The following TKTL1 variants were observed in gnomAD, a reference collection of about 807,000 sequenced individuals.
TKTL1 encodes the protein transketolase like 1.
A neutral mutation model predicts 39.3 loss-of-function variants in TKTL1; 1 was observed. The ratio of observed to expected loss-of-function variants is 0.03; its 90% CI spans 0.01 to 0.12. The LOEUF (loss-of-function observed/expected upper bound fraction) is 0.12. TKTL1 is among the 10% of genes least tolerant of loss of function. The probability of loss-of-function intolerance (pLI) is 1.00; values close to 1 mark genes in which losing one functional copy is unlikely to be tolerated. For missense variants in TKTL1, 575 were observed against 509.6 expected (o/e 1.13, Z -1.24); for synonymous variants, 262 against 193.8 (o/e 1.35, Z -2.92).
chrX:154,311,366 A>G, intron 5 of TKTL1, 128 bp downstream of exon 5: 2 of 944,936 alleles, frequency 2.1e-6, no homozygotes, highest in South Asian at 2.3e-5. Context: ...TGCCTGGAGT[A>G]TATGTTGGAG....
intron 1 of TKTL1, 145 bp downstream of exon 1, chrX:154,296,138 G>C: frequency 1.2e-6 from 1 of 825,731 alleles, no homozygotes; most frequent in Non-Finnish European, 1.7e-6. Context: ...GGGCTGTTGG[G>C]GCCCGGTCGA....
At chrX:154,305,147 C>T (rs782078986) in intron 1 of TKTL1, 157 bp from the exon 2 acceptor site, 7 of 1,173,462 alleles carry the variant, frequency 6.0e-6, no homozygotes, top group African/African-American at 5.3e-5. Flanking sequence ...GGCTTTAAAG[C>T]GCCCTTCCAA....
intron 7 of TKTL1, among the ~76,000 whole-genome samples, chrX:154,318,350 C>T (rs1175574294): frequency 9.0e-6 from 1 of 110,882 alleles, no homozygotes; most frequent in African/African-American, 3.3e-5. Context: ...TAGTGGCTCA[C>T]ACCTGTAATC....
intron 7 of TKTL1, among the ~76,000 whole-genome samples, chrX:154,316,774 T>TG (rs1384891907): frequency 9.3e-6 from 1 of 107,115 alleles, no homozygotes; most frequent in Non-Finnish European, 1.9e-5. Context: ...TTTGGGGGTT[T>TG]TTTTTTTTTG....
chrX:154,301,755 C>CTTTT (rs782331518), intron 1 of TKTL1, among the ~76,000 whole-genome samples: 3 of 90,517 alleles, frequency 3.3e-5, no homozygotes, highest in African/African-American at 4.1e-5. Flanking sequence ...CATTTTCTTT[C>CTTTT]TTTTTTTTTT....
At chrX:154,297,002 G>C (rs1009616761) in intron 1 of TKTL1, among the ~76,000 whole-genome samples, 17 of 111,925 alleles carry the variant, frequency 1.5e-4, no homozygotes, top group African/African-American at 5.5e-4. Context: ...AGAAAAAAAA[G>C]TTAAACCCAG....
chrX:154,302,896 G>A (rs2067284708), intron 1 of TKTL1, among the ~76,000 whole-genome samples: 2 of 110,977 alleles, frequency 1.8e-5, no homozygotes, highest in African/African-American at 3.3e-5. Context: ...CCAGCTGCAA[G>A]ACGAAGAACA....
Position 154,315,024 on chromosome X carries a change from A to G in TKTL1, c.865-149A>G, listed in dbSNP as rs1557169055. 3 of 594,318 alleles carry G rather than the reference A, an allele frequency of 5.0e-6. No individual in the cohort carries two copies. In the African/African-American group the frequency reaches 6.8e-5, roughly 14 times the overall value. 49.0% of individuals were successfully genotyped at this position (594,318 alleles called of 1,213,427 possible). A position where few individuals can be genotyped will look rare whatever the true frequency, so the allele number is the denominator to read the frequency against. On this transcript the variant is annotated intron_variant, in intron 6 of 12. Coordinates refer to ENST00000369915, the MANE Select transcript of TKTL1 (RefSeq NM_012253.4). Reference sequence around the variant, plus strand: ...TTGGCTAGCAGTCCATGTTTATGACATTAAAGGAAATTTTTGGTGAGTCAC... The same window carrying G: ...TTGGCTAGCAGTCCATGTTTATGACGTTAAAGGAAATTTTTGGTGAGTCAC...
chrX:154,320,494 C>T (rs1373249250), intron 7 of TKTL1: 4 of 378,796 alleles, frequency 1.1e-5, no homozygotes, highest in African/African-American at 5.1e-5. Flanking sequence ...GGGCATGGAC[C>T]CTGGAAAGCT....
chrX:154,303,105 G>A (rs781952589), intron 1 of TKTL1, among the ~76,000 whole-genome samples: 4 of 110,917 alleles, frequency 3.6e-5, no homozygotes, highest in South Asian at 3.8e-4. Context: ...ACCCTGACTC[G>A]TTTCCTGCGC....
At chrX:154,320,706 C>T (rs781798696) in intron 7 of TKTL1, 51 bp from the exon 8 acceptor site, 20 of 1,155,129 alleles carry the variant, frequency 1.7e-5, no homozygotes, top group East Asian at 1.2e-4. Context: ...GGAGAAGGGG[C>T]GGTGGGGGCA....
chrX:154,295,823 T>C lies in TKTL1; in HGVS notation c.-37T>C. Reference sequence around the variant, plus strand: ...ATTCGCTCTTCAGACGCCGGAGACGTAGGAGTGGGTCTTCAGACTCCAAAG... The same window carrying C: ...ATTCGCTCTTCAGACGCCGGAGACGCAGGAGTGGGTCTTCAGACTCCAAAG... On this transcript the variant is annotated 5_prime_UTR_variant, in exon 1 of 13. Transcript: ENST00000369915. The C allele has an allele frequency of 1.7e-6, 2 of 1,197,706 alleles. No individual in the cohort carries two copies. The highest frequency in any genetic ancestry group is 2.3e-6 in the Non-Finnish European group (2 of 887,570).
intron 7 of TKTL1, 184 bp from the exon 8 acceptor site, chrX:154,320,573 C>T (rs1305530951): frequency 2.8e-5 from 13 of 466,128 alleles, no homozygotes; most frequent in East Asian, 2.5e-4. Flanking sequence ...TTGAGGGCGC[C>T]GTCTGAGCAG....
chrX:154,321,009 C>A (rs2067445889), intron 8 of TKTL1, 96 bp downstream of exon 8: 1 of 997,610 alleles, frequency 1.0e-6, no homozygotes. Flanking sequence ...CTTATGGTTC[C>A]ATGAAGTTTG....
At chrX:154,305,076 G>A in intron 1 of TKTL1, 2 of 1,134,346 alleles carry the variant, frequency 1.8e-6, no homozygotes, top group Non-Finnish European at 2.3e-6. Flanking sequence ...CCGAGTCCAC[G>A]GTGCTCTGCG....
intron 8 of TKTL1, among the ~76,000 whole-genome samples, chrX:154,321,769 A>C: frequency 9.4e-6 from 1 of 106,807 alleles, no homozygotes; most frequent in East Asian, 3.0e-4. Context: ...CTGGAAAGCC[A>C]TCTCAGGGAC....
In TKTL1 at chrX:154,314,392, G is replaced by A. The variant is rs782070420; in HGVS notation, c.865-781G>A. On this transcript the variant is annotated intron_variant, in intron 6 of 12. Coordinates refer to ENST00000369915, the MANE Select transcript of TKTL1 (RefSeq NM_012253.4). Reference sequence around the variant, plus strand: ...TACATTAAAAAAATTAAATGAATCAGTGAGCTCAAATTAGTAATGCAGATG... The same window carrying A: ...TACATTAAAAAAATTAAATGAATCAATGAGCTCAAATTAGTAATGCAGATG... Among the ~76,000 whole-genome samples the A allele has an allele frequency of 7.2e-5, 8 of 111,618 alleles. No individual in the cohort carries two copies. In the East Asian group the frequency reaches 2.2e-3, roughly 31 times the overall value.
chrX:154,296,659 T>C (rs781798104), intron 1 of TKTL1, among the ~76,000 whole-genome samples: 1 of 111,331 alleles, frequency 9.0e-6, no homozygotes, highest in East Asian at 2.8e-4. Flanking sequence ...TTGTAGTATT[T>C]GGTTTTGGTA....
intron 7 of TKTL1, among the ~76,000 whole-genome samples, chrX:154,318,836 T>C (rs2067425960): frequency 9.0e-6 from 1 of 111,439 alleles, no homozygotes; most frequent in East Asian, 2.8e-4. Context: ...CTTTTTCTAC[T>C]TGATTTCCAA....
Sources: allele counts gnomAD v4.1 joint callset (sites outside exome capture counted in the v4.1 genomes callset), GRCh38; gene constraint gnomAD v4.1.1; transcripts MANE v1.5; gene names NCBI Gene and HGNC (gene_info 2026-07-23, HGNC 2026-07-21).